The following CACNG3 variants were observed in gnomAD, a reference collection of about 807,000 sequenced individuals.
CACNG3 encodes voltage-dependent calcium channel gamma-3 subunit.
In CACNG3, 3 loss-of-function variants were observed where a neutral mutation model predicts 28.5. That is an observed-to-expected ratio of 0.11 (90% CI 0.05 to 0.27). The LOEUF is 0.27. Among genes scored for constraint, CACNG3 ranks in the 10% least tolerant of loss-of-function variants. The pLI, the probability that CACNG3 is intolerant of heterozygous loss-of-function variation, is 1.00. For synonymous variants in CACNG3, 174 were observed against 162.2 expected (o/e 1.07, Z -0.55); for missense variants, 236 against 414.4 (o/e 0.57, Z 3.74).
chr16:24,276,513 A>T (rs2141349454), intron 1 of CACNG3, among the ~76,000 whole-genome samples: 1 of 152,328 alleles, frequency 6.6e-6, no homozygotes, highest in African/African-American at 2.4e-5. Flanking sequence ...TAAAAGAGCT[A>T]TTTCCATACT....
At chr16:24,273,775 T>C (rs1416547606) in intron 1 of CACNG3, among the ~76,000 whole-genome samples, 1 of 152,218 alleles carries the variant, frequency 6.6e-6, no homozygotes, top group Non-Finnish European at 1.5e-5. Flanking sequence ...GCCATATATT[T>C]ATTTGCATCA....
intron 2 of CACNG3, among the ~76,000 whole-genome samples, chr16:24,353,036 G>A (rs1414844295): frequency 6.6e-6 from 1 of 152,164 alleles, no homozygotes; most frequent in South Asian, 2.1e-4. Flanking sequence ...GTGTAATGGC[G>A]CAATTTTCAA....
chr16:24,314,608 G>A (rs1899321341), intron 1 of CACNG3, among the ~76,000 whole-genome samples: 1 of 152,148 alleles, frequency 6.6e-6, no homozygotes, highest in Non-Finnish European at 1.5e-5. Context: ...CCATCAAAAT[G>A]TTCTGCATGT....
intron 1 of CACNG3, among the ~76,000 whole-genome samples, chr16:24,297,311 T>G (rs992065259): frequency 2.0e-5 from 3 of 151,942 alleles, no homozygotes; most frequent in African/African-American, 7.3e-5. Context: ...AAAATACTGA[T>G]GTCTGTCCCC....
At chr16:24,308,911 T>C (rs1899224234) in intron 1 of CACNG3, among the ~76,000 whole-genome samples, 1 of 144,416 alleles carries the variant, frequency 6.9e-6, no homozygotes, top group Non-Finnish European at 1.5e-5. Context: ...TTATCATTAG[T>C]AAAAGTGAAC....
chr16:24,266,957 A>G (rs898886237), intron 1 of CACNG3, among the ~76,000 whole-genome samples: 1 of 148,512 alleles, frequency 6.7e-6, no homozygotes, highest in Non-Finnish European at 1.5e-5. Context: ...GGAAATAATT[A>G]TTTTTAATTT....
chr16:24,291,030 C>A (rs148089948), intron 1 of CACNG3, among the ~76,000 whole-genome samples: 223 of 152,280 alleles, frequency 1.5e-3, no homozygotes, highest in Middle Eastern at 3.4e-3. Flanking sequence ...CCTAGCTCTG[C>A]CACTTACTAG....
intron 1 of CACNG3, among the ~76,000 whole-genome samples, chr16:24,265,383 A>C (rs1490091662): frequency 6.6e-6 from 1 of 150,648 alleles, no homozygotes; most frequent in Non-Finnish European, 1.5e-5. Context: ...AGAAAGAAAG[A>C]AAAGAAAGAA....
At chr16:24,294,247 G>T (rs1222753451) in intron 1 of CACNG3, among the ~76,000 whole-genome samples, 1 of 152,238 alleles carries the variant, frequency 6.6e-6, no homozygotes, top group Non-Finnish European at 1.5e-5. Flanking sequence ...CCTCCGGGCA[G>T]CGAGGACAGT....
chr16:24,308,474 C>T (rs577834842), intron 1 of CACNG3, among the ~76,000 whole-genome samples: 18 of 152,266 alleles, frequency 1.2e-4, no homozygotes, highest in African/African-American at 2.4e-4. Flanking sequence ...CTCTGCAAGC[C>T]GTCCTTGCAG....
At chr16:24,270,513 C>T (rs771535592) in intron 1 of CACNG3, among the ~76,000 whole-genome samples, 16 of 152,196 alleles carry the variant, frequency 1.1e-4, no homozygotes, top group Non-Finnish European at 2.1e-4. Context: ...AGGTCTGCTG[C>T]GCAGCATAAT....
At chr16:24,293,482 T>A (rs1030710340) in intron 1 of CACNG3, among the ~76,000 whole-genome samples, 8 of 152,144 alleles carry the variant, frequency 5.3e-5, no homozygotes, top group African/African-American at 1.9e-4. Context: ...AGAAGCTACT[T>A]TGAGCTCTCA....
At chr16:24,267,374 ACCTC>A (rs1164243824) in intron 1 of CACNG3, among the ~76,000 whole-genome samples, 3 of 151,560 alleles carry the variant, frequency 2.0e-5, no homozygotes, top group African/African-American at 7.3e-5. Context: ...TGCGGCCTCG[ACCTC>A]CTGGGCTCAA....
In CACNG3 at chr16:24,342,606, A is replaced by T. The variant is rs554548215; in HGVS notation, c.212-4128A>T. ...TTGCTATCTCTGTGGCAAATACTGA[A>T]CTCTGTTATAGTGGCATCAACATGT... On this transcript the variant is annotated intron_variant, in intron 1 of 3. Transcript: ENST00000005284. 2.0e-5 allele frequency among the ~76,000 whole-genome samples: 3 copies of T among 151,934 alleles called. No homozygotes were observed. In the South Asian group the frequency reaches 6.3e-4, roughly 32 times the overall value.
At chr16:24,320,717 A>C (rs1899444439) in intron 1 of CACNG3, among the ~76,000 whole-genome samples, 1 of 152,046 alleles carries the variant, frequency 6.6e-6, no homozygotes, top group Non-Finnish European at 1.5e-5. Context: ...GAAACAATTC[A>C]TACGTTTTTC....
At chr16:24,300,008 G>A (rs932293034) in intron 1 of CACNG3, among the ~76,000 whole-genome samples, 6 of 152,066 alleles carry the variant, frequency 3.9e-5, no homozygotes, top group Non-Finnish European at 7.4e-5. Flanking sequence ...TGTTGTATGA[G>A]GGTCTTATCA....
intron 2 of CACNG3, among the ~76,000 whole-genome samples, chr16:24,351,626 G>A (rs1287897580): frequency 1.8e-5 from 2 of 113,658 alleles, no homozygotes; most frequent in Admixed American, 1.7e-4. Context: ...GGGAAGGAGG[G>A]GAAGGGGAAG....
At chr16:24,283,244 G>T (rs1225027572) in intron 1 of CACNG3, among the ~76,000 whole-genome samples, 2 of 152,044 alleles carry the variant, frequency 1.3e-5, no homozygotes, top group African/African-American at 4.8e-5. Flanking sequence ...CTCATTGTAG[G>T]ATATTGAGAT....
intron 1 of CACNG3, chr16:24,333,379 T>G (rs1486645815): frequency 1.3e-5 from 2 of 152,214 alleles, no homozygotes; most frequent in African/African-American, 4.8e-5. Context: ...CCCTGGGTTT[T>G]TTTTCTTTTA....
Sources: allele counts gnomAD v4.1 joint callset (sites outside exome capture counted in the v4.1 genomes callset), GRCh38; gene constraint gnomAD v4.1.1; transcripts MANE v1.5; gene names NCBI Gene and HGNC (gene_info 2026-07-23, HGNC 2026-07-21).